The following CHIC1 variants were observed in gnomAD, a reference collection of about 807,000 sequenced individuals.
CHIC1 encodes cysteine rich hydrophobic domain 1.
CHIC1 carries 7 observed loss-of-function variants against 18.5 expected under a neutral mutation model. The observed-to-expected ratio is 0.38, with a 90% CI of 0.22 to 0.71. CHIC1 has a LOEUF of 0.71. Among genes scored for constraint, CHIC1 ranks in the 30% least tolerant of loss-of-function variants. The pLI, the probability that CHIC1 is intolerant of heterozygous loss-of-function variation, is 0.49. For synonymous variants in CHIC1, 77 were observed against 73.5 expected, an observed-to-expected ratio of 1.05 and a Z score of -0.25; for missense variants, 159 against 176.9, an observed-to-expected ratio of 0.90 and a Z score of 0.57.
At chrX:73,623,858 G>T (rs60490522) in intron 3 of CHIC1, among the ~76,000 whole-genome samples, 53,176 of 109,910 alleles carry the variant, frequency 0.48, 10,764 homozygotes, top group East Asian at 0.95. Flanking sequence ...TTTTATTATT[G>T]TAAACCAATT....
At chrX:73,591,547 T>A (rs1228421142) in intron 3 of CHIC1, among the ~76,000 whole-genome samples, 1 of 111,995 alleles carries the variant, frequency 8.9e-6, no homozygotes, top group African/African-American at 3.2e-5. Context: ...TAGTATATTT[T>A]GTAGAGTGGA....
At chrX:73,609,002 A>G (rs1447611303) in intron 3 of CHIC1, among the ~76,000 whole-genome samples, 1 of 106,106 alleles carries the variant, frequency 9.4e-6, no homozygotes, top group Non-Finnish European at 1.9e-5. Flanking sequence ...ATAAAATACA[A>G]AAATTAGCTG....
Position 73,680,952 on chromosome X carries a change from C to T in CHIC1, c.625-3C>T. On this transcript the variant is annotated splice_polypyrimidine_tract_variant and splice_region_variant and intron_variant, in intron 5 of 5. Coordinates refer to ENST00000373502, the MANE Select transcript of CHIC1 (RefSeq NM_001039840.4). ...TAAATATATTCTTGTTTTTATTTTG[C>T]AGGTAATACTAATAGAATTCTTACC... The T allele has an allele frequency of 1.0e-6, 1 of 993,305 alleles. No homozygotes were observed. Among genetic ancestry groups the T allele is most frequent in the Non-Finnish European group, 1.4e-6 (1 of 724,096 alleles). The allele number at this position is 993,305 out of a possible 1,213,427, so 81.9% of individuals were successfully genotyped here. A position where few individuals can be genotyped will look rare whatever the true frequency, so the allele number is the denominator to read the frequency against.
intron 2 of CHIC1, among the ~76,000 whole-genome samples, chrX:73,584,061 T>C (rs16992402): frequency 0.033 from 3,704 of 111,088 alleles, 157 homozygotes; most frequent in African/African-American, 0.11. Context: ...CTTCTAGTCT[T>C]ACCCAGCTTT....
chrX:73,576,563 G>A (rs1026669798), intron 1 of CHIC1, among the ~76,000 whole-genome samples: 2 of 110,629 alleles, frequency 1.8e-5, no homozygotes, highest in Admixed American at 1.9e-4. Context: ...TCTAGCCCAT[G>A]GTGAGTACAT....
chrX:73,598,338 T>TTTA (rs1556497436), intron 3 of CHIC1, among the ~76,000 whole-genome samples: 9 of 109,321 alleles, frequency 8.2e-5, no homozygotes, highest in African/African-American at 3.0e-4. Flanking sequence ...TCTTTTTTTT[T>TTTA]TTATTATTAT....
Position 73,605,091 on chromosome X carries a change from C to T in CHIC1, c.507+20519C>T, listed in dbSNP as rs932915035. On this transcript the variant is annotated intron_variant, in intron 3 of 5. Coordinates refer to ENST00000373502, the MANE Select transcript of CHIC1 (RefSeq NM_001039840.4). ...GTCTCGTTGATTTGTCTAATATTGA[C>T]AGTGGGGTGTTAAAGTCTCCCACTA... Among the ~76,000 whole-genome samples the T allele has an allele frequency of 2.8e-5, 3 of 107,978 alleles. 1 individual carries two copies. Among genetic ancestry groups the T allele is most frequent in the African/African-American group, 1.1e-4 (3 of 27,696 alleles). 93.8% of individuals were successfully genotyped at this position (107,978 alleles called of 115,157 possible).
rs1285562260 is a variant in CHIC1 at position 73,684,656 on chromosome X, G to A, written c.*3651G>A. 9.9e-5 allele frequency: 11 copies of A among 111,087 alleles called. No homozygotes were observed. The highest frequency in any genetic ancestry group is 9.5e-5 in the Non-Finnish European group (5 of 52,757). The allele number at this position is 111,087 out of a possible 1,213,427, so 9.2% of individuals were successfully genotyped here. On this transcript the variant is annotated 3_prime_UTR_variant, in exon 6 of 6. Coordinates refer to ENST00000373502, the MANE Select transcript of CHIC1 (RefSeq NM_001039840.4). ...TTGATTATAAGTGCTCAAATTTATT[G>A]AAATTAGATTCTCATGCCTATAAAA...
intron 3 of CHIC1, among the ~76,000 whole-genome samples, chrX:73,660,792 G>C (rs1322124699): frequency 9.0e-6 from 1 of 111,622 alleles, no homozygotes; most frequent in African/African-American, 3.3e-5. Flanking sequence ...ATGAACACAA[G>C]CATATCCTCT....
intron 3 of CHIC1, among the ~76,000 whole-genome samples, chrX:73,593,856 T>A (rs1262616870): frequency 9.0e-6 from 1 of 111,595 alleles, no homozygotes; most frequent in Admixed American, 9.6e-5. Context: ...TTCTCTTGAA[T>A]CTCTTTGAAT....
intron 3 of CHIC1, among the ~76,000 whole-genome samples, chrX:73,674,898 T>C (rs1313428445): frequency 1.8e-5 from 2 of 111,945 alleles, no homozygotes; most frequent in African/African-American, 3.2e-5. Flanking sequence ...CTCTACACAC[T>C]GCTTTGAATG....
In CHIC1 at chrX:73,600,395, C is replaced by T. The variant is rs1309788360; in HGVS notation, c.507+15823C>T. 1.1e-4 allele frequency among the ~76,000 whole-genome samples: 10 copies of T among 92,511 alleles called. 2 individuals are homozygous for T. Among genetic ancestry groups the T allele is most frequent in the African/African-American group, 2.8e-4 (6 of 21,713 alleles). 80.3% of individuals were successfully genotyped at this position (92,511 alleles called of 115,157 possible). ...GTTGAATAGGAGTGGTGAGAGAGGG[C>T]ATCCCTGTCTTGTGCCAGTTTTCAA... On this transcript the variant is annotated intron_variant, in intron 3 of 5. Transcript: ENST00000373502.
At chrX:73,631,079 T>A (rs1245481176) in intron 3 of CHIC1, among the ~76,000 whole-genome samples, 1 of 111,921 alleles carries the variant, frequency 8.9e-6, no homozygotes, top group Non-Finnish European at 1.9e-5. Context: ...TATTTCTCTG[T>A]TATCAGTTGT....
intron 3 of CHIC1, among the ~76,000 whole-genome samples, chrX:73,661,417 C>CA (rs898297577): frequency 8.9e-6 from 1 of 111,895 alleles, no homozygotes; most frequent in African/African-American, 3.2e-5. Flanking sequence ...CTGGGCATTG[C>CA]AGGATAATTT....
intron 3 of CHIC1, among the ~76,000 whole-genome samples, chrX:73,673,961 G>T (rs1255212072): frequency 8.9e-6 from 1 of 111,815 alleles, no homozygotes; most frequent in Non-Finnish European, 1.9e-5. Flanking sequence ...AGCATGAAGG[G>T]TTGTTGAATT....
At chrX:73,619,602 T>A (rs1349137409) in intron 3 of CHIC1, among the ~76,000 whole-genome samples, 1 of 111,578 alleles carries the variant, frequency 9.0e-6, no homozygotes, top group African/African-American at 3.3e-5. Context: ...GCAAATAACA[T>A]AATATATTAT....
At chrX:73,662,505 CT>C (rs1426347439) in intron 3 of CHIC1, among the ~76,000 whole-genome samples, 1 of 102,863 alleles carries the variant, frequency 9.7e-6, no homozygotes, top group Non-Finnish European at 2.0e-5. Context: ...TTCTATTTCC[CT>C]TTTTGCTGCA....
At chrX:73,594,702 A>T (rs1382880987) in intron 3 of CHIC1, among the ~76,000 whole-genome samples, 1 of 110,605 alleles carries the variant, frequency 9.0e-6, no homozygotes. Flanking sequence ...CCTATTTCCA[A>T]TTTTTTTTCA....
chrX:73,613,366 A>G (rs1024813388), intron 3 of CHIC1, among the ~76,000 whole-genome samples: 24 of 111,511 alleles, frequency 2.2e-4, no homozygotes, highest in African/African-American at 7.8e-4. Flanking sequence ...TGACATCTTC[A>G]TGGTAATGAG....
Sources: gnomAD v4.1 joint callset for allele counts (sites outside exome capture counted in the v4.1 genomes callset) on GRCh38, gnomAD v4.1.1 for gene constraint, MANE v1.5 for transcripts, NCBI Gene and HGNC (gene_info 2026-07-23, HGNC 2026-07-21) for gene names.